C1orf185: variants seen among roughly 807,000 people sequenced by gnomAD.
C1orf185 encodes the protein chromosome 1 open reading frame 185, also known as uncharacterized protein C1orf185.
C1orf185 carries 13 observed loss-of-function variants against 16.1 expected under a neutral mutation model. That is an observed-to-expected ratio of 0.81 (90% CI 0.53 to 1.28). The LOEUF (loss-of-function observed/expected upper bound fraction) is 1.28. Among genes scored for constraint, C1orf185 ranks in the 50% most tolerant of loss-of-function variants. C1orf185 has a pLI of 0.00. For missense variants in C1orf185, 220 were observed against 225.2 expected, an observed-to-expected ratio of 0.98 and a Z score of 0.15; for synonymous variants, 80 against 76.9, an observed-to-expected ratio of 1.04 and a Z score of -0.21.
At chr1:51,146,188 G>C (rs562439071) in intron 4 of C1orf185, among the ~76,000 whole-genome samples, 1 of 152,034 alleles carries the variant, frequency 6.6e-6, no homozygotes, top group East Asian at 1.9e-4. Context: ...ACCAGGCGTG[G>C]TGTCTCATGC....
intron 1 of C1orf185, among the ~76,000 whole-genome samples, chr1:51,105,938 G>T (rs1428281190): frequency 6.6e-6 from 1 of 152,126 alleles, no homozygotes; most frequent in African/African-American, 2.4e-5. Flanking sequence ...CCTTCCCGTG[G>T]TAAAATGTTT....
intron 1 of C1orf185, among the ~76,000 whole-genome samples, chr1:51,106,167 C>T (rs1646070030): frequency 6.6e-6 from 1 of 151,816 alleles, no homozygotes; most frequent in South Asian, 2.1e-4. Flanking sequence ...TACAAGGAGA[C>T]TTGTAATATC....
chr1:51,139,054 G>A (rs1646346892), intron 3 of C1orf185, among the ~76,000 whole-genome samples: 1 of 151,660 alleles, frequency 6.6e-6, no homozygotes, highest in Non-Finnish European at 1.5e-5. Flanking sequence ...TTTTTTACAT[G>A]TCTGTAAATG....
At chr1:51,151,249 C>T (rs1332601703), downstream of C1orf185, among the ~76,000 whole-genome samples, 2 of 152,142 alleles carry the variant, frequency 1.3e-5, no homozygotes, top group Non-Finnish European at 2.9e-5. Context: ...GGTTCAAATT[C>T]CATCAGGACT....
intron 1 of C1orf185, among the ~76,000 whole-genome samples, chr1:51,106,464 A>G (rs1646072958): frequency 6.6e-6 from 1 of 151,762 alleles, no homozygotes; most frequent in African/African-American, 2.4e-5. Context: ...AAAAAGTGAG[A>G]CTCTGTCTCT....
chr1:51,110,328 A>G (rs1646106773), intron 1 of C1orf185, among the ~76,000 whole-genome samples: 2 of 152,218 alleles, frequency 1.3e-5, no homozygotes, highest in Non-Finnish European at 2.9e-5. Context: ...ATTATAACTT[A>G]TTTAATTGAT....
chr1:51,120,266 G>A (rs1175490350), intron 3 of C1orf185, among the ~76,000 whole-genome samples: 1 of 152,172 alleles, frequency 6.6e-6, no homozygotes, highest in Non-Finnish European at 1.5e-5. Flanking sequence ...CAGAACCACT[G>A]AAGGATTATA....
At chr1:51,125,489 C>A (rs565286206) in intron 3 of C1orf185, among the ~76,000 whole-genome samples, 1 of 152,176 alleles carries the variant, frequency 6.6e-6, no homozygotes, top group South Asian at 2.1e-4. Flanking sequence ...TCTTGAAGGG[C>A]CTTGTAAACC....
chr1:51,118,931 TAG>T, intron 3 of C1orf185, 130 bp downstream of exon 3: 1 of 677,570 alleles, frequency 1.5e-6, no homozygotes, highest in Non-Finnish European at 2.2e-6. Flanking sequence ...ACAAACTAGT[TAG>T]AGTTTATACT....
intron 3 of C1orf185, among the ~76,000 whole-genome samples, chr1:51,121,236 C>G (rs1646195456): frequency 6.6e-6 from 1 of 151,968 alleles, no homozygotes; most frequent in African/African-American, 2.4e-5. Flanking sequence ...ATTTTGTATC[C>G]TTTGACCAAC....
At chr1:51,116,444 G>A (rs1646158500) in intron 2 of C1orf185, among the ~76,000 whole-genome samples, 1 of 151,662 alleles carries the variant, frequency 6.6e-6, no homozygotes, top group Non-Finnish European at 1.5e-5. Context: ...CTCCTGAGTA[G>A]CTGGGGCTAC....
At position 51,133,052 on chromosome 1, in the gene C1orf185, C is replaced by T. The variant is rs146835185; in HGVS notation, c.259-12672C>T. ...CACCAGATCTGCCTTACAAGAGCTCCTGGAGGAAGCACTAAATATGGAAAG... is the reference window on the plus strand; with the variant it reads ...CACCAGATCTGCCTTACAAGAGCTCTTGGAGGAAGCACTAAATATGGAAAG... On this transcript the variant is annotated intron_variant, in intron 3 of 4. Transcript: ENST00000371759. Among the ~76,000 whole-genome samples the T allele has an allele frequency of 7.1e-3, 1,075 of 152,256 alleles. 7 individuals carry two copies. Among genetic ancestry groups the T allele is most frequent in the African/African-American group, 0.026 (1,063 of 41,536 alleles).
Position 51,147,494 on chromosome 1 carries a change from C to G in C1orf185, c.323C>G (p.Pro108Arg). 14 of 1,541,490 alleles carry G rather than the reference C, an allele frequency of 9.1e-6. No homozygotes were observed. The highest frequency in any genetic ancestry group is 2.8e-5 in the African/African-American group (2 of 72,596). Residue 108 changes from proline (P) to arginine (R), a missense_variant, in exon 5 of 5, where the codon CCC (proline) becomes CGC (arginine). Transcript: ENST00000371759. ...ATTAAAGATCATTCTAAAGATGAAC[C>G]CCAACTTGCAACAAAAAATATCATT... ...KAIKDHSKDE[P>R]QLATKNIICD...
At chr1:51,116,727 A>G (rs868358060) in intron 2 of C1orf185, among the ~76,000 whole-genome samples, 6 of 152,090 alleles carry the variant, frequency 3.9e-5, no homozygotes, top group Middle Eastern at 3.4e-3. Context: ...ATATTCCCCA[A>G]TCTCATCTCC....
At chr1:51,133,475 G>C (rs1372358028) in intron 3 of C1orf185, among the ~76,000 whole-genome samples, 1 of 152,162 alleles carries the variant, frequency 6.6e-6, no homozygotes, top group African/African-American at 2.4e-5. Context: ...TTACATAATA[G>C]TAAAGAGTTC....
chr1:51,116,486 G>A (rs1646158752), intron 2 of C1orf185, among the ~76,000 whole-genome samples: 1 of 151,852 alleles, frequency 6.6e-6, no homozygotes, highest in African/African-American at 2.4e-5. Context: ...GCTAATTTTT[G>A]TATTTTTAGT....
At chr1:51,141,281 A>G (rs191217325) in intron 3 of C1orf185, among the ~76,000 whole-genome samples, 5 of 152,280 alleles carry the variant, frequency 3.3e-5, no homozygotes, top group Non-Finnish European at 7.4e-5. Flanking sequence ...CTTGAGCCCA[A>G]GAGTTAAAGA....
At chr1:51,146,486 C>T (rs1646401872) in intron 4 of C1orf185, among the ~76,000 whole-genome samples, 1 of 150,292 alleles carries the variant, frequency 6.7e-6, no homozygotes, top group Non-Finnish European at 1.5e-5. Context: ...AGTATGTTTG[C>T]AAGAATGGCC....
intron 2 of C1orf185, among the ~76,000 whole-genome samples, chr1:51,117,460 G>A (rs1646165830): frequency 6.6e-6 from 1 of 152,036 alleles, no homozygotes; most frequent in Non-Finnish European, 1.5e-5. Flanking sequence ...CACCATTATA[G>A]TATCACACAG....
Sources: allele counts gnomAD v4.1 joint callset (sites outside exome capture counted in the v4.1 genomes callset), GRCh38; gene constraint gnomAD v4.1.1; transcripts MANE v1.5; gene names NCBI Gene and HGNC (gene_info 2026-07-23, HGNC 2026-07-21).